Variants in CCDC170 observed in about 807,000 individuals in gnomAD.
CCDC170 encodes coiled-coil domain-containing protein 170.
Under a neutral mutation model 72.6 loss-of-function variants are expected in CCDC170, and 69 were observed. The observed-to-expected ratio is 0.95, with a 90% CI of 0.78 to 1.16. CCDC170 has a LOEUF of 1.16. Ranked by LOEUF, CCDC170 falls within the 50% of genes most tolerant of loss-of-function variation. The pLI, the probability that CCDC170 is intolerant of heterozygous loss-of-function variation, is 0.00. For missense variants in CCDC170, 852 were observed against 832.5 expected, an observed-to-expected ratio of 1.02 and a Z score of -0.29; for synonymous variants, 300 against 303.9, an observed-to-expected ratio of 0.99 and a Z score of 0.13.
chr6:151,554,614 C>T (rs1782943557), intron 5 of CCDC170, among the ~76,000 whole-genome samples: 1 of 151,968 alleles, frequency 6.6e-6, no homozygotes, highest in Non-Finnish European at 1.5e-5. Flanking sequence ...ATCCCAGCTA[C>T]TCGGGAGGCT....
intron 7 of CCDC170, among the ~76,000 whole-genome samples, chr6:151,587,274 C>T (rs1475097728): frequency 1.3e-5 from 2 of 151,800 alleles, no homozygotes; most frequent in Admixed American, 6.6e-5. Flanking sequence ...TTTGGTGGAG[C>T]GGTGGAGAGC....
At position 151,615,794 on chromosome 6, in the gene CCDC170, A is replaced by T; in HGVS notation, c.1947+115A>T. The T allele has an allele frequency of 3.8e-6, 3 of 783,284 alleles. No homozygotes were observed. In the South Asian group the frequency reaches 5.1e-5, roughly 13 times the overall value. The allele number at this position is 783,284 out of a possible 1,614,324, so 48.5% of individuals were successfully genotyped here. ...TTAAAAAAGTTTGGACTGTTTCATG[A>T]ATTTGTATGTCATCGTTTTACGAGG... On this transcript the variant is annotated intron_variant, in intron 10 of 10. Coordinates refer to ENST00000239374, the MANE Select transcript of CCDC170 (RefSeq NM_025059.4).
At chr6:151,613,807 T>C (rs1396188374) in intron 9 of CCDC170, among the ~76,000 whole-genome samples, 1 of 152,246 alleles carries the variant, frequency 6.6e-6, no homozygotes, top group Non-Finnish European at 1.5e-5. Flanking sequence ...AACATTTGTG[T>C]ACAGTTTCTG....
chr6:151,544,630 CAT>C lies in CCDC170; in HGVS notation c.503_504del (p.His168ArgfsTer9). On this transcript the variant is annotated frameshift_variant, in exon 4 of 11. Coordinates refer to ENST00000239374, the MANE Select transcript of CCDC170 (RefSeq NM_025059.4). LOFTEE classifies it high-confidence loss of function. ...ACAAGTTTCAAAGAATTGCAGGAAA[CAT>C]GAGGAATTTCTGACTCAACTGCGTG... ...KKQVSKNCRK[H>X]EEFLTQLRDC... 1.9e-6 allele frequency: 3 copies of C among 1,613,568 alleles called. No homozygotes were observed.
chr6:151,548,512 G>C (rs747076677), intron 5 of CCDC170, 23 bp downstream of exon 5: 4 of 1,489,532 alleles, frequency 2.7e-6, no homozygotes, highest in Non-Finnish European at 2.7e-6. Flanking sequence ...AAGTATACGT[G>C]TGCATCTGGG....
chr6:151,536,153 G>A (rs1194065739), intron 1 of CCDC170, 165 bp from the exon 2 acceptor site: 2 of 729,052 alleles, frequency 2.7e-6, no homozygotes, highest in Non-Finnish European at 4.4e-6. Flanking sequence ...TGAACTTTGA[G>A]AATGAGAACC....
chr6:151,538,097 T>C lies in CCDC170; in HGVS notation c.239T>C (p.Leu80Pro). The stretch of plus-strand genomic sequence containing the variant: ...TCTAAAGAAGTCTCCTGTCAAGAAC[T>C]GAAAGCTGAAATGGAGAGCTACAAG... ...MLSKEVSCQELKAEMESYKEN... is the reference protein window; with the variant it reads ...MLSKEVSCQEPKAEMESYKEN... The change falls in exon 3 of 11, where the codon CTG (leucine) becomes CCG (proline). Residue 80 changes from leucine to proline, a missense_variant. Coordinates refer to ENST00000239374, the MANE Select transcript of CCDC170 (RefSeq NM_025059.4). The C allele has an allele frequency of 6.2e-7, 1 of 1,613,624 alleles. No homozygotes were observed. Among genetic ancestry groups the C allele is most frequent in the Non-Finnish European group, 8.5e-7 (1 of 1,179,860 alleles).
At chr6:151,503,386 T>C (rs1782021299) in intron 1 of CCDC170, among the ~76,000 whole-genome samples, 1 of 152,042 alleles carries the variant, frequency 6.6e-6, no homozygotes, top group South Asian at 2.1e-4. Context: ...ATTGGAATAG[T>C]CTTAGAAACA....
intron 3 of CCDC170, among the ~76,000 whole-genome samples, chr6:151,544,112 C>G (rs1293582011): frequency 2.0e-5 from 3 of 152,132 alleles, no homozygotes; most frequent in African/African-American, 7.2e-5. Context: ...TGGCCATGAA[C>G]CAGGACCCTT....
intron 3 of CCDC170, among the ~76,000 whole-genome samples, chr6:151,541,816 T>G (rs1036835509): frequency 6.1e-5 from 9 of 147,128 alleles, no homozygotes; most frequent in Admixed American, 1.4e-4. Flanking sequence ...GTTCTAAATA[T>G]ATATATGTAT....
intron 1 of CCDC170, among the ~76,000 whole-genome samples, chr6:151,518,897 AAGG>A (rs1163222026): frequency 1.3e-5 from 2 of 152,198 alleles, no homozygotes; most frequent in African/African-American, 2.4e-5. Context: ...AGAGGGCAAA[AAGG>A]AGAATGAAGA....
chr6:151,512,615 C>T lies in CCDC170; in HGVS notation c.57+18430C>T, dbSNP rs537144188. 3.4e-4 allele frequency among the ~76,000 whole-genome samples: 52 copies of T among 152,316 alleles called. 1 individual carries two copies. The highest frequency in any genetic ancestry group is 1.2e-3 in the African/African-American group (49 of 41,570). On this transcript the variant is annotated intron_variant, in intron 1 of 10. Transcript: ENST00000239374. ...GTTTGAATCCAGGTTCTGCTTTACT[C>T]GTTGCCTGTGGGTCCTTGGGTAAGC...
intron 7 of CCDC170, among the ~76,000 whole-genome samples, chr6:151,587,993 A>T (rs9479079): frequency 0.92 from 139,306 of 152,144 alleles, 63,991 homozygotes; most frequent in East Asian, 0.99. Flanking sequence ...TGTGAAAAGA[A>T]GGCTCAGGAA....
chr6:151,617,385 C>T (rs1390675879), intron 10 of CCDC170, among the ~76,000 whole-genome samples: 1 of 131,602 alleles, frequency 7.6e-6, no homozygotes, highest in East Asian at 2.1e-4. Context: ...TTTTCATTAG[C>T]TTATACTTTC....
rs185496203 is a variant in CCDC170 at position 151,586,220 on chromosome 6, G to C, written c.1293+131G>C. The C allele has an allele frequency of 1.3e-3, 1,157 of 857,574 alleles. 6 individuals are homozygous for C. The African/African-American group carries it at 0.018, about 13-fold the overall frequency. The allele number at this position is 857,574 out of a possible 1,614,324, so 53.1% of individuals were successfully genotyped here. A position where few individuals can be genotyped will look rare whatever the true frequency, so the allele number is the denominator to read the frequency against. On this transcript the variant is annotated intron_variant, in intron 7 of 10. Coordinates refer to ENST00000239374, the MANE Select transcript of CCDC170 (RefSeq NM_025059.4). The stretch of plus-strand genomic sequence containing the variant: ...ACTTAATTGGTTAAGTCAATTTCAA[G>C]GAACAATGGGTTTGGAGCTTCCTTG...
chr6:151,579,152 G>C (rs965709018), intron 6 of CCDC170, among the ~76,000 whole-genome samples: 3 of 151,776 alleles, frequency 2.0e-5, no homozygotes, highest in Admixed American at 6.6e-5. Context: ...TTGTCCCATA[G>C]AATATCAGGT....
intron 8 of CCDC170, among the ~76,000 whole-genome samples, 171 bp downstream of exon 8, chr6:151,593,451 A>G (rs1447663097): frequency 6.6e-6 from 1 of 151,418 alleles, no homozygotes; most frequent in Non-Finnish European, 1.5e-5. Flanking sequence ...TGGTAAGTGT[A>G]TCTGTCACCT....
intron 7 of CCDC170, among the ~76,000 whole-genome samples, chr6:151,589,176 A>G (rs765392542): frequency 6.6e-6 from 1 of 152,138 alleles, no homozygotes; most frequent in East Asian, 1.9e-4. Flanking sequence ...AATCGCTTGA[A>G]TTTGAGAGGC....
At chr6:151,504,273 A>G (rs767127297) in intron 1 of CCDC170, among the ~76,000 whole-genome samples, 1 of 152,204 alleles carries the variant, frequency 6.6e-6, no homozygotes, top group Non-Finnish European at 1.5e-5. Flanking sequence ...TTATTCTTGC[A>G]ACTTTTCCGT....
Sources: allele counts gnomAD v4.1 joint callset (sites outside exome capture counted in the v4.1 genomes callset), GRCh38; gene constraint gnomAD v4.1.1; transcripts MANE v1.5; gene names NCBI Gene and HGNC (gene_info 2026-07-23, HGNC 2026-07-21).